GSE1: variants seen among roughly 807,000 people sequenced by gnomAD.
GSE1 encodes the protein genetic suppressor element 1.
A neutral mutation model predicts 112.6 loss-of-function variants in GSE1; 32 were observed. The ratio of observed to expected loss-of-function variants is 0.28; its 90% CI spans 0.21 to 0.38. The LOEUF is 0.38. GSE1 is among the 10% of genes least tolerant of loss of function. The probability of loss-of-function intolerance (pLI) is 1.00; values close to 1 mark genes in which losing one functional copy is unlikely to be tolerated. For synonymous variants in GSE1, 1,115 were observed against 735.6 expected (o/e 1.52, Z -8.35); for missense variants, 2,348 against 1,699.2 (o/e 1.38, Z -6.71).
upstream of GSE1, among the ~76,000 whole-genome samples, chr16:85,609,313 A>G (rs1246988194): frequency 6.6e-6 from 1 of 152,224 alleles, no homozygotes; most frequent in Non-Finnish European, 1.5e-5. Flanking sequence ...ATCATACCTC[A>G]GCCTCAGACT....
At position 85,634,195 on chromosome 16, in the gene GSE1, T is replaced by TC. The variant is rs1362232615; in HGVS notation, c.226+66dup. ...CGGCTCCCGAGGCCGGGACTCAGCC[T>TC]CCCGCCTGCGGCGTGCACGCTCACA... On this transcript the variant is annotated intron_variant, in intron 2 of 15. Transcript: ENST00000253458. The TC allele has an allele frequency of 7.7e-6, 9 of 1,174,798 alleles. No homozygotes were observed. The East Asian group carries it at 2.4e-4, about 32-fold the overall frequency. The allele number at this position is 1,174,798 out of a possible 1,614,324, so 72.8% of individuals were successfully genotyped here. A position where few individuals can be genotyped will look rare whatever the true frequency, so the allele number is the denominator to read the frequency against.
chr16:85,509,315 G>A (rs1299416994), intron 2 of GSE1, among the ~76,000 whole-genome samples: 1 of 152,172 alleles, frequency 6.6e-6, no homozygotes, highest in African/African-American at 2.4e-5. Context: ...GGGGGACCGG[G>A]GCTGCGGTCT....
intron 1 of GSE1, among the ~76,000 whole-genome samples, chr16:85,317,517 G>A (rs967067760): frequency 6.6e-6 from 1 of 151,960 alleles, no homozygotes; most frequent in Non-Finnish European, 1.5e-5. Context: ...CACAGCCCCC[G>A]TGGTCCGTGG....
chr16:85,313,545 C>A (rs2045909975), intron 1 of GSE1, among the ~76,000 whole-genome samples: 1 of 152,214 alleles, frequency 6.6e-6, no homozygotes, highest in Non-Finnish European at 1.5e-5. Context: ...GATCCCCTTC[C>A]TGCCCCCTCC....
At chr16:85,190,720 C>T (rs1159867598) in intron 1 of GSE1, among the ~76,000 whole-genome samples, 1 of 152,256 alleles carries the variant, frequency 6.6e-6, no homozygotes, top group Non-Finnish European at 1.5e-5. Context: ...CCAAGACTGT[C>T]CCTCTGGCAA....
intron 1 of GSE1, among the ~76,000 whole-genome samples, chr16:85,309,441 C>A (rs58993504): frequency 6.6e-6 from 1 of 152,124 alleles, no homozygotes; most frequent in Non-Finnish European, 1.5e-5. Context: ...CTGCCATGAG[C>A]CATGATCACA....
At chr16:85,347,533 A>G (rs1268896634) in intron 1 of GSE1, among the ~76,000 whole-genome samples, 2 of 152,164 alleles carry the variant, frequency 1.3e-5, no homozygotes, top group African/African-American at 2.4e-5. Flanking sequence ...AGTTTCGTCA[A>G]CATGGATGGA....
chr16:85,319,112 C>T (rs2046045410), intron 1 of GSE1, among the ~76,000 whole-genome samples: 1 of 152,084 alleles, frequency 6.6e-6, no homozygotes, highest in South Asian at 2.1e-4. Flanking sequence ...CCCTCAGTAT[C>T]GCTCACCCCC....
intron 2 of GSE1, among the ~76,000 whole-genome samples, chr16:85,390,200 C>T (rs1003425728): frequency 6.6e-6 from 1 of 152,176 alleles, no homozygotes; most frequent in Non-Finnish European, 1.5e-5. Context: ...CTGGGACAGT[C>T]GCTGGCACAC....
At chr16:85,518,006 T>G (rs904917899) in intron 2 of GSE1, among the ~76,000 whole-genome samples, 25 of 152,212 alleles carry the variant, frequency 1.6e-4, no homozygotes, top group African/African-American at 5.5e-4. Flanking sequence ...CCCCGTCGCT[T>G]CCTGCTGCCG....
At chr16:85,367,318 C>T (rs2875941) in intron 2 of GSE1, among the ~76,000 whole-genome samples, 27,819 of 152,176 alleles carry the variant, frequency 0.18, 2,861 homozygotes, top group East Asian at 0.36. Flanking sequence ...CTGTCTCTGC[C>T]GCTACAATGC....
At chr16:85,462,785 T>A (rs1270657329) in intron 2 of GSE1, among the ~76,000 whole-genome samples, 1 of 80,132 alleles carries the variant, frequency 1.2e-5, no homozygotes, top group African/African-American at 4.8e-5. Context: ...CCGCCACGGC[T>A]GGCGGTGCGT....
chr16:85,663,687 C>A, intron 11 of GSE1, 73 bp downstream of exon 11: 2 of 1,432,372 alleles, frequency 1.4e-6, no homozygotes, highest in Admixed American at 2.0e-5. Context: ...GCAGGTGGGG[C>A]CGGTGGACTC....
intron 2 of GSE1, among the ~76,000 whole-genome samples, chr16:85,638,215 C>T (rs1221207312): frequency 6.6e-6 from 1 of 152,254 alleles, no homozygotes; most frequent in Admixed American, 6.5e-5. Flanking sequence ...AAATTCAATT[C>T]AGACGAAGCT....
intron 2 of GSE1, among the ~76,000 whole-genome samples, chr16:85,521,428 C>A (rs2052182280): frequency 6.6e-6 from 1 of 152,148 alleles, no homozygotes; most frequent in African/African-American, 2.4e-5. Flanking sequence ...CCTCCTTGGG[C>A]ACACTCACTC....
At chr16:85,175,121 T>C (rs918771810) in intron 1 of GSE1, among the ~76,000 whole-genome samples, 3 of 152,070 alleles carry the variant, frequency 2.0e-5, no homozygotes, top group Non-Finnish European at 2.9e-5. Context: ...AGAGGAAACA[T>C]GAGAAAAATA....
Position 85,675,589 on chromosome 16 carries a change from T to TA in GSE1, c.*3052dup, listed in dbSNP as rs1223577291. ...CCACACCTTCAGCAGTGAAGGATTCTAACACAGGGAATCTGCAGTTTGTAG... is the reference window on the plus strand; with the variant it reads ...CCACACCTTCAGCAGTGAAGGATTCTAAACACAGGGAATCTGCAGTTTGTAG... On this transcript the variant is annotated 3_prime_UTR_variant, in exon 16 of 16. Transcript: ENST00000253458. The TA allele has an allele frequency of 6.6e-6, 1 of 152,226 alleles. No homozygotes were observed. The highest frequency in any genetic ancestry group is 1.5e-5 in the Non-Finnish European group (1 of 68,040). 9.4% of individuals were successfully genotyped at this position (152,226 alleles called of 1,614,324 possible).
chr16:85,387,966 A>G (rs765674843), intron 2 of GSE1, among the ~76,000 whole-genome samples: 43 of 82,860 alleles, frequency 5.2e-4, no homozygotes, highest in South Asian at 1.3e-3. Flanking sequence ...ATGGATGGGT[A>G]GGTAGATGGG....
intron 2 of GSE1, among the ~76,000 whole-genome samples, chr16:85,509,998 T>G (rs1598006632): frequency 6.6e-6 from 1 of 152,208 alleles, no homozygotes; most frequent in East Asian, 1.9e-4. Context: ...GGCTCCCTGT[T>G]GGAACCGCAT....
Sources: allele counts gnomAD v4.1 joint callset (sites outside exome capture counted in the v4.1 genomes callset), GRCh38; gene constraint gnomAD v4.1.1; transcripts MANE v1.5; gene names NCBI Gene and HGNC (gene_info 2026-07-23, HGNC 2026-07-21).